The following AP5M1 variants were observed in gnomAD, a reference collection of about 807,000 sequenced individuals.
AP5M1 encodes the protein AP-5 complex subunit mu-1.
A neutral mutation model predicts 52.3 loss-of-function variants in AP5M1; 44 were observed. The observed-to-expected ratio is 0.84, with a 90% CI of 0.66 to 1.08. The LOEUF (loss-of-function observed/expected upper bound fraction) is 1.08. Ranked by LOEUF, AP5M1 falls within the 50% of genes least tolerant of loss-of-function variation. The pLI, the probability that AP5M1 is intolerant of heterozygous loss-of-function variation, is 0.00. For synonymous variants in AP5M1, 213 were observed against 199.0 expected (o/e 1.07, Z -0.59); for missense variants, 526 against 568.4 (o/e 0.93, Z 0.76).
At chr14:57,270,768 C>T (rs1001912595) in intron 1 of AP5M1, among the ~76,000 whole-genome samples, 4 of 152,156 alleles carry the variant, frequency 2.6e-5, no homozygotes, top group Non-Finnish European at 4.4e-5. Flanking sequence ...TTAACATCTT[C>T]GATGTTACTC....
intron 3 of AP5M1, among the ~76,000 whole-genome samples, chr14:57,281,685 C>T (rs993850405): frequency 6.6e-6 from 1 of 152,238 alleles, no homozygotes; most frequent in East Asian, 1.9e-4. Context: ...GTTTCCTCTT[C>T]AGTCAGTCAT....
At position 57,291,932 on chromosome 14, in the gene AP5M1, T is replaced by G. The variant is rs1275959576; in HGVS notation, c.*3048T>G. On this transcript the variant is annotated 3_prime_UTR_variant, in exon 8 of 8. Coordinates refer to ENST00000261558, the MANE Select transcript of AP5M1 (RefSeq NM_018229.4). ...AGAGTGGTTGTTCCTAAGACAAAGG[T>G]CAAAAAAAGGGGTGTTAATAAACAG... The G allele has an allele frequency of 6.6e-6, 1 of 151,322 alleles. No individual in the cohort carries two copies. Among genetic ancestry groups the G allele is most frequent in the Non-Finnish European group, 1.5e-5 (1 of 67,660 alleles). 9.4% of individuals were successfully genotyped at this position (151,322 alleles called of 1,614,324 possible). A position where few individuals can be genotyped will look rare whatever the true frequency, so the allele number is the denominator to read the frequency against.
intron 1 of AP5M1, among the ~76,000 whole-genome samples, chr14:57,269,991 G>A (rs1884844535): frequency 6.6e-6 from 1 of 152,070 alleles, no homozygotes; most frequent in South Asian, 2.1e-4. Context: ...TGTATTTTTG[G>A]TAGAGAGGGG....
intron 1 of AP5M1, among the ~76,000 whole-genome samples, chr14:57,272,768 C>T (rs1884924952): frequency 1.3e-5 from 2 of 152,142 alleles, no homozygotes; most frequent in African/African-American, 2.4e-5. Flanking sequence ...ATGGCATTTA[C>T]CTGCTATGCC....
At chr14:57,276,301 C>T (rs1652067279) in intron 2 of AP5M1, among the ~76,000 whole-genome samples, 1 of 152,110 alleles carries the variant, frequency 6.6e-6, no homozygotes, top group Admixed American at 6.5e-5. Context: ...TATGGCCTGG[C>T]GCAGTGGCTC....
intron 6 of AP5M1, among the ~76,000 whole-genome samples, chr14:57,285,374 T>A: frequency 6.6e-6 from 1 of 152,196 alleles, no homozygotes; most frequent in East Asian, 1.9e-4. Context: ...TACACTCACA[T>A]TGAAAGCATG....
rs1454959803 is a variant in AP5M1, at chr14:57,273,738, C to G, written c.75-506C>G. The G allele has an allele frequency of 4.3e-6, 3 of 701,906 alleles. No homozygotes were observed. The Admixed American group carries it at 6.0e-5, about 14-fold the overall frequency. The allele number at this position is 701,906 out of a possible 1,614,324, so 43.5% of individuals were successfully genotyped here. On this transcript the variant is annotated intron_variant, in intron 1 of 7. Transcript: ENST00000261558. Reference sequence around the variant, plus strand: ...TGGCAAGAAGACTCAGGGTACCTGTCATTCACTATAAGTTAAGTAGAATAG... The same window carrying G: ...TGGCAAGAAGACTCAGGGTACCTGTGATTCACTATAAGTTAAGTAGAATAG...
rs1463882110 is a variant in AP5M1 at position 57,295,654 on chromosome 14, A to G, written c.*6770A>G. 1 of 151,902 alleles carries G rather than the reference A, an allele frequency of 6.6e-6. No homozygotes were observed. Among genetic ancestry groups the G allele is most frequent in the African/African-American group, 2.4e-5 (1 of 41,424 alleles). 9.4% of individuals were successfully genotyped at this position (151,902 alleles called of 1,614,324 possible). On this transcript the variant is annotated 3_prime_UTR_variant, in exon 8 of 8. Coordinates refer to ENST00000261558, the MANE Select transcript of AP5M1 (RefSeq NM_018229.4). ...CAACTATGTTACTTCAAAATGTTTA[A>G]GTGCCAAACTTAATGTTACCTTCTC...
In AP5M1 at chr14:57,278,771, A is replaced by G. The variant is rs879752583; in HGVS notation, c.721-1424A>G. 3.3e-5 allele frequency among the ~76,000 whole-genome samples: 5 copies of G among 152,186 alleles called. No homozygotes were observed. The East Asian group carries it at 9.6e-4, about 29-fold the overall frequency. The stretch of plus-strand genomic sequence containing the variant: ...AGGTATAAGACAGTATGATTTATTT[A>G]GGGAAATGCAAGAATCCAATATGAC... On this transcript the variant is annotated intron_variant, in intron 2 of 7. Transcript: ENST00000261558.
chr14:57,294,482 T>C lies in AP5M1; in HGVS notation c.*5598T>C, dbSNP rs984743236. 2 of 151,926 alleles carry C rather than the reference T, an allele frequency of 1.3e-5. No individual in the cohort carries two copies. The highest frequency in any genetic ancestry group is 4.8e-5 in the African/African-American group (2 of 41,432). 9.4% of individuals were successfully genotyped at this position (151,926 alleles called of 1,614,324 possible). On this transcript the variant is annotated 3_prime_UTR_variant, in exon 8 of 8. Transcript: ENST00000261558. ...TGACTATATCTATTTTAAAACCCTG[T>C]GATTTTTCTCTTTCATACACATAGC...
At chr14:57,272,896 T>C (rs191730593) in intron 1 of AP5M1, among the ~76,000 whole-genome samples, 36 of 150,862 alleles carry the variant, frequency 2.4e-4, no homozygotes, top group Non-Finnish European at 1.2e-4. Flanking sequence ...TGTTTGTTTG[T>C]TTGCTTGCTT....
At chr14:57,285,539 GA>G (rs200729102) in intron 6 of AP5M1, among the ~76,000 whole-genome samples, 128 of 145,272 alleles carry the variant, frequency 8.8e-4, no homozygotes, top group East Asian at 6.7e-3. Context: ...GTTGCAAAAG[GA>G]AAAAAAAAAA....
In AP5M1 at chr14:57,282,098, C is replaced by A; in HGVS notation, c.958C>A (p.Pro320Thr). 1.3e-6 allele frequency: 2 copies of A among 1,572,488 alleles called. No individual in the cohort carries two copies. Among genetic ancestry groups the A allele is most frequent in the Non-Finnish European group, 1.7e-6 (2 of 1,164,858 alleles). ...TTATGTTTCTTTTTAGGTCCCTGTC[C>A]CACCAATTTTGGGTTTTTATCAAAT... The part of the protein sequence containing the change: ...LCFYTSQVPV[P>T]PILGFYQMKE... The change falls in exon 4 of 8, where the codon CCA (proline) becomes ACA (threonine). Residue 320 changes from proline (P) to threonine (T), a missense_variant. Coordinates refer to ENST00000261558, the MANE Select transcript of AP5M1 (RefSeq NM_018229.4).
rs1161575486 is a variant in AP5M1 at position 57,297,594 on chromosome 14, G to C, written c.*8710G>C. On this transcript the variant is annotated 3_prime_UTR_variant, in exon 8 of 8. Coordinates refer to ENST00000261558, the MANE Select transcript of AP5M1 (RefSeq NM_018229.4). Reference sequence around the variant, plus strand: ...AATGTATGTGTGTGTGTGTGCATGTGTGGAAAACAAGAAAAATACAAGCTC... The same window carrying C: ...AATGTATGTGTGTGTGTGTGCATGTCTGGAAAACAAGAAAAATACAAGCTC... 8 of 152,048 alleles carry C rather than the reference G, an allele frequency of 5.3e-5. No homozygotes were observed. The highest frequency in any genetic ancestry group is 8.8e-5 in the Non-Finnish European group (6 of 68,010). The allele number at this position is 152,048 out of a possible 1,614,324, so 9.4% of individuals were successfully genotyped here.
At chr14:57,277,134 CTTT>C (rs56736203) in intron 2 of AP5M1, among the ~76,000 whole-genome samples, 1 of 140,302 alleles carries the variant, frequency 7.1e-6, no homozygotes, top group African/African-American at 2.5e-5. Flanking sequence ...TCTTAGGTGC[CTTT>C]TTTTTTTTTT....
intron 1 of AP5M1, among the ~76,000 whole-genome samples, chr14:57,270,238 G>A (rs1594694986): frequency 6.6e-6 from 1 of 152,146 alleles, no homozygotes; most frequent in South Asian, 2.1e-4. Context: ...AAGTTGATCT[G>A]GTCCCACTAT....
At chr14:57,269,486 C>A in intron 1 of AP5M1, 98 bp downstream of exon 1, 2 of 1,192,256 alleles carry the variant, frequency 1.7e-6, no homozygotes, top group Non-Finnish European at 2.5e-6. Flanking sequence ...CCACGAATAG[C>A]TGCGTGACCT....
At chr14:57,270,933 A>G (rs1021330759) in intron 1 of AP5M1, among the ~76,000 whole-genome samples, 4 of 152,252 alleles carry the variant, frequency 2.6e-5, no homozygotes, top group Admixed American at 6.5e-5. Flanking sequence ...AGAATTCTCT[A>G]TGATGATGGA....
chr14:57,288,339 A>G (rs1262511085), intron 7 of AP5M1, among the ~76,000 whole-genome samples: 1 of 152,180 alleles, frequency 6.6e-6, no homozygotes, highest in Middle Eastern at 3.4e-3. Context: ...CAGAACTATA[A>G]TAAGAAACCA....
Sources: allele counts gnomAD v4.1 joint callset (sites outside exome capture counted in the v4.1 genomes callset), GRCh38; gene constraint gnomAD v4.1.1; transcripts MANE v1.5; gene names NCBI Gene and HGNC (gene_info 2026-07-23, HGNC 2026-07-21).